NPAS3: variants seen among roughly 807,000 people sequenced by gnomAD.
NPAS3 encodes the protein neuronal PAS domain-containing protein 3.
A neutral mutation model predicts 73.1 loss-of-function variants in NPAS3; 14 were observed. That is an observed-to-expected ratio of 0.19 (90% CI 0.13 to 0.30). The LOEUF (loss-of-function observed/expected upper bound fraction) is 0.30, where lower values mean the gene tolerates loss of function less well. Ranked by LOEUF, NPAS3 falls within the 10% of genes least tolerant of loss-of-function variation. The pLI, the probability that NPAS3 is intolerant of heterozygous loss-of-function variation, is 1.00. For synonymous variants in NPAS3, 620 were observed against 541.5 expected, an observed-to-expected ratio of 1.14 and a Z score of -2.01; for missense variants, 1,096 against 1,250.0, an observed-to-expected ratio of 0.88 and a Z score of 1.86.
At chr14:33,177,125 T>G (rs60380260) in intron 2 of NPAS3, among the ~76,000 whole-genome samples, 1,535 of 140,860 alleles carry the variant, frequency 0.011, 27 homozygotes, top group African/African-American at 0.038. Context: ...TGAGACAGAG[T>G]CTTGCTCTGT....
intron 1 of NPAS3, among the ~76,000 whole-genome samples, chr14:32,957,986 T>TAC (rs1341761071): frequency 1.3e-5 from 2 of 152,124 alleles, no homozygotes; most frequent in Non-Finnish European, 2.9e-5. Flanking sequence ...TCCAACTCAG[T>TAC]ACAGAAAAGC....
At position 33,725,458 on chromosome 14, in the gene NPAS3, A is replaced by G. The variant is rs574965262; in HGVS notation, c.734-9756A>G. On this transcript the variant is annotated intron_variant, in intron 6 of 11. Coordinates refer to ENST00000356141, the Ensembl canonical transcript of NPAS3. ...GTGACTATAGCTGAGTGATAACATTATGGGGATTTTTTTAAATTTTCCTAT... is the reference window on the plus strand; with the variant it reads ...GTGACTATAGCTGAGTGATAACATTGTGGGGATTTTTTTAAATTTTCCTAT... 8.5e-5 allele frequency among the ~76,000 whole-genome samples: 13 copies of G among 152,276 alleles called. No individual in the cohort carries two copies. In the South Asian group the frequency reaches 2.7e-3, roughly 32 times the overall value.
At chr14:33,265,506 T>G (rs957130141) in intron 3 of NPAS3, among the ~76,000 whole-genome samples, 1 of 152,226 alleles carries the variant, frequency 6.6e-6, no homozygotes, top group Non-Finnish European at 1.5e-5. Context: ...ATTACATTTT[T>G]TTTTCATTTT....
At chr14:33,102,404 T>G (rs1454851380) in intron 2 of NPAS3, among the ~76,000 whole-genome samples, 1 of 152,208 alleles carries the variant, frequency 6.6e-6, no homozygotes, top group African/African-American at 2.4e-5. Flanking sequence ...TTTTGTTAGT[T>G]GTGTGGCTGT....
intron 6 of NPAS3, 52 bp from the exon 7 acceptor site, chr14:33,735,162 G>T (rs1303402409): frequency 7.8e-7 from 1 of 1,279,632 alleles, no homozygotes; most frequent in African/African-American, 1.5e-5. Flanking sequence ...GTAGCTGTGA[G>T]GGGCTGTGTC....
At chr14:33,318,323 G>A (rs1476214399) in intron 3 of NPAS3, among the ~76,000 whole-genome samples, 4 of 151,990 alleles carry the variant, frequency 2.6e-5, no homozygotes, top group African/African-American at 9.7e-5. Context: ...GTAGAATAGT[G>A]GTTGCCAGGA....
At chr14:33,518,592 A>ATTTTTT (rs71433619) in intron 4 of NPAS3, among the ~76,000 whole-genome samples, 5 of 128,834 alleles carry the variant, frequency 3.9e-5, no homozygotes, top group South Asian at 2.5e-4. Flanking sequence ...GACATCAAGG[A>ATTTTTT]TTTTTTTTTT....
intron 1 of NPAS3, among the ~76,000 whole-genome samples, chr14:32,993,064 A>C (rs2139490450): frequency 6.6e-6 from 1 of 151,338 alleles, no homozygotes; most frequent in Middle Eastern, 3.4e-3. Context: ...GCAGGAGAAT[A>C]TCTTGAACCC....
At chr14:33,584,527 CA>C (rs1324146293) in intron 5 of NPAS3, among the ~76,000 whole-genome samples, 2 of 152,078 alleles carry the variant, frequency 1.3e-5, no homozygotes, top group Non-Finnish European at 2.9e-5. Flanking sequence ...AAGGTGTGGG[CA>C]GTTTAATTCC....
intron 3 of NPAS3, among the ~76,000 whole-genome samples, chr14:33,287,140 G>A (rs935188392): frequency 6.6e-6 from 1 of 152,088 alleles, no homozygotes; most frequent in Non-Finnish European, 1.5e-5. Flanking sequence ...GTTATTCGTG[G>A]GAGAAAAAAA....
At position 33,800,160 on chromosome 14, in the gene NPAS3, C is replaced by T; in HGVS notation, c.1853C>T (p.Ser618Phe). The T allele has an allele frequency of 1.2e-6, 2 of 1,603,838 alleles. No individual in the cohort carries two copies. The highest frequency in any genetic ancestry group is 1.7e-6 in the Non-Finnish European group (2 of 1,176,080). The change falls in exon 12 of 12, where the codon TCC becomes TTC. Residue 618 changes from serine (S) to phenylalanine (F), a missense_variant. By Grantham distance (155) the Ser-to-Phe change is radical. Coordinates refer to ENST00000356141, the Ensembl canonical transcript of NPAS3. The surrounding 1 kb of genome is among the most constrained non-coding windows in gnomAD (Gnocchi z 6.5). ...GGCAGCGCCAGCCGCCGGCGCCTGTCCAGCGCGTCGAGCCCAGGCGGCCTG... is the reference window on the plus strand; with the variant it reads ...GGCAGCGCCAGCCGCCGGCGCCTGTTCAGCGCGTCGAGCCCAGGCGGCCTG...
chr14:33,175,048 A>C (rs1186149479), intron 2 of NPAS3, among the ~76,000 whole-genome samples: 1 of 152,212 alleles, frequency 6.6e-6, no homozygotes, highest in South Asian at 2.1e-4. Context: ...AGTATTGTAG[A>C]TATGTCCTAA....
At chr14:33,497,848 G>C (rs1022446763) in intron 4 of NPAS3, among the ~76,000 whole-genome samples, 2 of 149,178 alleles carry the variant, frequency 1.3e-5, no homozygotes, top group African/African-American at 4.9e-5. Flanking sequence ...TGACAAATGG[G>C]ATCTAATTAA....
intron 6 of NPAS3, among the ~76,000 whole-genome samples, chr14:33,721,847 T>G (rs139346959): frequency 1.2e-3 from 179 of 152,264 alleles, no homozygotes; most frequent in African/African-American, 4.0e-3. Context: ...ACGGAGAACT[T>G]TACTAATGAC....
chr14:33,722,361 G>T (rs1011811084), intron 6 of NPAS3, among the ~76,000 whole-genome samples: 3 of 152,040 alleles, frequency 2.0e-5, no homozygotes, highest in Non-Finnish European at 2.9e-5. Flanking sequence ...CTTAAGGAAA[G>T]GGGGGGTAAT....
Position 33,235,805 on chromosome 14 carries a change from C to CTTTTTTTTTTTTTTTTT in NPAS3, c.385+20387_385+20403dup, listed in dbSNP as rs35968798. Among the ~76,000 whole-genome samples, 7 of 80,630 alleles carry CTTTTTTTTTTTTTTTTT rather than the reference C, an allele frequency of 8.7e-5. 1 individual carries two copies. Among genetic ancestry groups the CTTTTTTTTTTTTTTTTT allele is most frequent in the African/African-American group, 3.5e-4 (7 of 19,948 alleles). The allele number at this position is 80,630 out of a possible 152,430, so 52.9% of individuals were successfully genotyped here. ...GACTAAAAGTTCTGTTGATACAATT[C>CTTTTTTTTTTTTTTTTT]TTTTTTTTTTTTTTTTTTTTTTTTG... On this transcript the variant is annotated intron_variant, in intron 3 of 11. Transcript: ENST00000356141.
intron 4 of NPAS3, among the ~76,000 whole-genome samples, chr14:33,551,861 C>T (rs562441119): frequency 1.1e-4 from 16 of 152,192 alleles, no homozygotes; most frequent in Admixed American, 2.0e-4. Flanking sequence ...GCACTCCACG[C>T]GTTTCCCCAA....
intron 2 of NPAS3, among the ~76,000 whole-genome samples, chr14:33,056,221 G>T (rs2040883556): frequency 6.6e-6 from 1 of 152,116 alleles, no homozygotes; most frequent in South Asian, 2.1e-4. Flanking sequence ...TGAAATTGTG[G>T]TCTAAAAGTT....
intron 4 of NPAS3, among the ~76,000 whole-genome samples, chr14:33,416,835 A>G (rs910328395): frequency 2.6e-5 from 4 of 151,926 alleles, no homozygotes; most frequent in African/African-American, 9.7e-5. Flanking sequence ...GTCTACTTGC[A>G]TATTTCTTCT....
Sources: gnomAD v4.1 joint callset for allele counts (sites outside exome capture counted in the v4.1 genomes callset) on GRCh38, gnomAD v4.1.1 for gene constraint, Gnocchi (gnomAD v3.1) non-coding constraint, MANE v1.5 for transcripts, NCBI Gene and HGNC (gene_info 2026-07-23, HGNC 2026-07-21) for gene names.